The following CCT2 variants were observed in gnomAD, a reference collection of about 807,000 sequenced individuals.
The protein encoded by CCT2 is chaperonin containing TCP1 subunit 2.
CCT2 carries 18 observed loss-of-function variants against 61.8 expected under a neutral mutation model. The observed-to-expected ratio is 0.29, with a 90% confidence interval of 0.20 to 0.43. CCT2 has a LOEUF of 0.43. Among genes scored for constraint, CCT2 ranks in the 20% least tolerant of loss-of-function variants. The pLI is 1.00. For synonymous variants in CCT2, 248 were observed against 215.9 expected (o/e 1.15, Z -1.30); for missense variants, 556 against 656.9 (o/e 0.85, Z 1.68).
chr12:69,594,673 A>G (rs1363112447), intron 10 of CCT2, among the ~76,000 whole-genome samples: 1 of 152,072 alleles, frequency 6.6e-6, no homozygotes. Flanking sequence ...CCTGGGCAAT[A>G]TAGTAAGACT....
At chr12:69,599,675 C>T in intron 14 of CCT2, 188 bp from the exon 15 acceptor site, 1 of 402,164 alleles carries the variant, frequency 2.5e-6, no homozygotes, top group Non-Finnish European at 4.4e-6. Flanking sequence ...ATGTGAGCCG[C>T]TGCACCCGGC....
chr12:69,589,322 A>C (rs936592643), intron 6 of CCT2, 163 bp from the exon 7 acceptor site: 3 of 609,216 alleles, frequency 4.9e-6, no homozygotes, highest in East Asian at 2.8e-5. Context: ...GGGGAAAATA[A>C]CATCTTTAAT....
rs77765804 is a variant in CCT2, at chr12:69,598,193, G to A, written c.1335+122G>A. 90 of 974,664 alleles carry A rather than the reference G, an allele frequency of 9.2e-5. 1 individual carries two copies. Among genetic ancestry groups the A allele is most frequent in the Non-Finnish European group, 1.2e-4 (76 of 647,704 alleles). 60.4% of individuals were successfully genotyped at this position (974,664 alleles called of 1,614,324 possible). ...TTTGATTCTGGAGTTTCTCCTCTTCGTGAGCAGTAACTGAAGCAGATTTTA... is the reference window on the plus strand; with the variant it reads ...TTTGATTCTGGAGTTTCTCCTCTTCATGAGCAGTAACTGAAGCAGATTTTA... On this transcript the variant is annotated intron_variant, in intron 13 of 15. Coordinates refer to ENST00000299300, the MANE Select transcript of CCT2 (RefSeq NM_006431.3).
In CCT2 at chr12:69,588,254, T is replaced by C; in HGVS notation, c.438T>C (p.Val146=). Residue 146 remains valine, a synonymous_variant, in exon 6 of 16, where the codon GTT becomes GTC. Coordinates refer to ENST00000299300, the MANE Select transcript of CCT2 (RefSeq NM_006431.3). ...AAREALLSSA[V]DHGSDEVKFR... ...GAGAGGCGCTGTTGAGTTCTGCAGTTGATCATGGGTTTGTATAGCAAAGTA... is the reference window on the plus strand; with the variant it reads ...GAGAGGCGCTGTTGAGTTCTGCAGTCGATCATGGGTTTGTATAGCAAAGTA... 7 of 1,611,128 alleles carry C rather than the reference T, an allele frequency of 4.3e-6. No homozygotes were observed. Among genetic ancestry groups the C allele is most frequent in the South Asian group, 1.1e-5 (1 of 91,024 alleles).
At chr12:69,587,363 A>G (rs186329556) in intron 3 of CCT2, 142 bp from the exon 4 acceptor site, 89 of 567,526 alleles carry the variant, frequency 1.6e-4, no homozygotes, top group African/African-American at 1.2e-3. Context: ...TGGTGTATGT[A>G]TTGAAAACAT....
At chr12:69,599,702 A>T in intron 14 of CCT2, 161 bp from the exon 15 acceptor site, 8 of 481,074 alleles carry the variant, frequency 1.7e-5, no homozygotes, top group East Asian at 3.6e-5. Context: ...TAATTTTTTT[A>T]AAGGCTTTCT....
rs1882100922 is a variant in CCT2, at chr12:69,599,914, G to A, written c.1487G>A (p.Ser496Asn). Reference sequence around the variant, plus strand: ...ATGGCTATCCTGGGTATAACAGAAAGTTTTCAAGTGAAGCGACAGGTTCTT... The same window carrying A: ...ATGGCTATCCTGGGTATAACAGAAAATTTTCAAGTGAAGCGACAGGTTCTT... The part of the protein sequence containing the change: ...GDMAILGITE[S>N]FQVKRQVLLS... The change falls in exon 15 of 16, where the codon AGT becomes AAT. Residue 496 changes from serine to asparagine, a missense_variant. Ser to Asn is a conservative substitution (Grantham distance 46). Coordinates refer to ENST00000299300, the MANE Select transcript of CCT2 (RefSeq NM_006431.3). The A allele has an allele frequency of 6.2e-7, 1 of 1,613,874 alleles. No homozygotes were observed. The highest frequency in any genetic ancestry group is 8.5e-7 in the Non-Finnish European group (1 of 1,179,822).
intron 6 of CCT2, chr12:69,589,145 C>T (rs1281650895): frequency 6.4e-6 from 2 of 313,764 alleles, no homozygotes; most frequent in Non-Finnish European, 1.2e-5. Flanking sequence ...TCAGGCTGGT[C>T]TTGAACTGAC....
In CCT2 at chr12:69,587,547, G is replaced by A. The variant is rs776932308; in HGVS notation, c.187G>A (p.Val63Ile). Residue 63 changes from valine to isoleucine, a missense_variant, in exon 4 of 16, where the codon GTA (valine) becomes ATA (isoleucine). Val to Ile is a conservative substitution (Grantham distance 29, BLOSUM62 3). Transcript: ENST00000299300. ...CAGTGGACGAGATGCCTCTCTTATG[G>A]TAACCAATGATGGTGCCACTATTCT... ...LSSGRDASLMVTNDGATILKN... is the reference protein window; with the variant it reads ...LSSGRDASLMITNDGATILKN... The A allele has an allele frequency of 6.2e-7, 1 of 1,613,760 alleles. No individual in the cohort carries two copies.
Position 69,589,294 on chromosome 12 carries a change from G to A in CCT2, c.447-191G>A, listed in dbSNP as rs1593095966. 8 of 568,020 alleles carry A rather than the reference G, an allele frequency of 1.4e-5. No homozygotes were observed. In the South Asian group the frequency reaches 1.7e-4, roughly 12 times the overall value. The allele number at this position is 568,020 out of a possible 1,614,324, so 35.2% of individuals were successfully genotyped here. ...GGCCCCCACCCCTCTTTTTTTTTTG[G>A]CATTTTGCCAGTTTGGTGGGGAAAA... On this transcript the variant is annotated intron_variant, in intron 6 of 15. Coordinates refer to ENST00000299300, the MANE Select transcript of CCT2 (RefSeq NM_006431.3).
In CCT2 at chr12:69,598,346, G is replaced by A; in HGVS notation, c.1360G>A (p.Ala454Thr). The stretch of plus-strand genomic sequence containing the variant: ...GTTGCCAACCATCATAGCTGACAAT[G>A]CAGGCTATGACAGTGCAGACCTGGT... Reference protein sequence around the residue: ...RMLPTIIADNAGYDSADLVAQ... With the variant: ...RMLPTIIADNTGYDSADLVAQ... The change falls in exon 14 of 16, where the codon GCA becomes ACA. Residue 454 changes from alanine to threonine, a missense_variant. Around this residue, in one of 3 missense-constraint regions of CCT2, gnomAD observed 225 missense variants for 249.8 expected, o/e 0.90. Transcript: ENST00000299300. The A allele has an allele frequency of 1.3e-6, 2 of 1,593,988 alleles. No homozygotes were observed. The highest frequency in any genetic ancestry group is 1.7e-6 in the Non-Finnish European group (2 of 1,171,546).
rs1246581043 is a variant in CCT2, at chr12:69,587,914, T to C, written c.257-16T>C. On this transcript the variant is annotated splice_polypyrimidine_tract_variant and intron_variant, in intron 4 of 15. Transcript: ENST00000299300. Reference sequence around the variant, plus strand: ...AAAGAAGCAATTTTGAGTTAATAACTAATTTCTTTTTCTAGATATGTCAAG... The same window carrying C: ...AAAGAAGCAATTTTGAGTTAATAACCAATTTCTTTTTCTAGATATGTCAAG... 6.3e-7 allele frequency: 1 copy of C among 1,590,094 alleles called. No individual in the cohort carries two copies. Among genetic ancestry groups the C allele is most frequent in the Non-Finnish European group, 8.6e-7 (1 of 1,158,518 alleles).
At chr12:69,596,545 T>G (rs938694771) in intron 10 of CCT2, among the ~76,000 whole-genome samples, 16 of 152,210 alleles carry the variant, frequency 1.1e-4, no homozygotes, top group Non-Finnish European at 1.5e-4. Context: ...TTTGTTCTTA[T>G]TAAATTTGGT....
Position 69,599,913 on chromosome 12 carries a change from A to G in CCT2, c.1486A>G (p.Ser496Gly), listed in dbSNP as rs767091682. The change falls in exon 15 of 16, where the codon AGT (serine) becomes GGT (glycine). Residue 496 changes from serine to glycine, a missense_variant. Transcript: ENST00000299300. The part of the protein sequence containing the change: ...GDMAILGITE[S>G]FQVKRQVLLS... The stretch of plus-strand genomic sequence containing the variant: ...TATGGCTATCCTGGGTATAACAGAA[A>G]GTTTTCAAGTGAAGCGACAGGTTCT... 1.2e-6 allele frequency: 2 copies of G among 1,613,744 alleles called. No homozygotes were observed. Among genetic ancestry groups the G allele is most frequent in the African/African-American group, 2.7e-5 (2 of 74,912 alleles).
chr12:69,585,722 C>G (rs1881627915), intron 1 of CCT2, 198 bp downstream of exon 1: 1 of 1,463,258 alleles, frequency 6.8e-7, no homozygotes, highest in Non-Finnish European at 9.0e-7. Flanking sequence ...GAGGGGTGGA[C>G]CGCAAAGCCA....
chr12:69,592,431 C>A (rs144981185), intron 8 of CCT2: 2 of 201,504 alleles, frequency 9.9e-6, no homozygotes, highest in Admixed American at 5.6e-5. Flanking sequence ...TGCACTGAGC[C>A]GAGATTGTGC....
At chr12:69,586,556 T>C (rs956819044) in intron 2 of CCT2, among the ~76,000 whole-genome samples, 197 bp from the exon 3 acceptor site, 4 of 151,972 alleles carry the variant, frequency 2.6e-5, no homozygotes, top group Non-Finnish European at 5.9e-5. Flanking sequence ...TAATCCCAGC[T>C]ACTCGGGAGG....
At chr12:69,587,007 C>T (rs1337354721) in intron 3 of CCT2, 189 bp downstream of exon 3, 5 of 474,158 alleles carry the variant, frequency 1.1e-5, no homozygotes, top group Non-Finnish European at 1.8e-5. Context: ...TCCCCAATGA[C>T]AAGTACTGTT....
In CCT2 at chr12:69,598,940, A is replaced by G. The variant is rs144710702; in HGVS notation, c.1435+519A>G. ...CTGTCATTGAACAAGAGGGAGCACC[A>G]GTTAATCTGTGAGAAAATGAAGCAG... On this transcript the variant is annotated intron_variant, in intron 14 of 15. Coordinates refer to ENST00000299300, the MANE Select transcript of CCT2 (RefSeq NM_006431.3). Among the ~76,000 whole-genome samples the G allele has an allele frequency of 5.3e-3, 801 of 152,006 alleles. 4 individuals carry two copies. Among genetic ancestry groups the G allele is most frequent in the Non-Finnish European group, 8.4e-3 (573 of 68,038 alleles).
Sources: gnomAD v4.1 joint callset for allele counts (sites outside exome capture counted in the v4.1 genomes callset) on GRCh38, gnomAD v4.1.1 for gene constraint, gnomAD v4.1.1 regional missense constraint, MANE v1.5 for transcripts, NCBI Gene and HGNC (gene_info 2026-07-23, HGNC 2026-07-21) for gene names.